Variants in KCNK17 observed in about 807,000 individuals in gnomAD.
KCNK17 encodes potassium channel subfamily K member 17.
Under a neutral mutation model 24.6 loss-of-function variants are expected in KCNK17, and 27 were observed. The ratio of observed to expected loss-of-function variants is 1.10; its 90% CI spans 0.81 to 1.51. KCNK17 has a LOEUF of 1.51. KCNK17 is among the 40% of genes most tolerant of loss of function. KCNK17 has a pLI of 0.00. For missense variants in KCNK17, 450 were observed against 436.6 expected, an observed-to-expected ratio of 1.03 and a Z score of -0.27; for synonymous variants, 181 against 189.8, an observed-to-expected ratio of 0.95 and a Z score of 0.38.
chr6:39,313,528 G>A (rs1178223027), intron 1 of KCNK17, among the ~76,000 whole-genome samples: 1 of 152,200 alleles, frequency 6.6e-6, no homozygotes, highest in African/African-American at 2.4e-5. Context: ...CCTTCCCCCA[G>A]GCTCCTACGG....
intron 4 of KCNK17, among the ~76,000 whole-genome samples, chr6:39,300,095 T>A (rs1213603231): frequency 2.0e-5 from 3 of 152,118 alleles, no homozygotes; most frequent in African/African-American, 7.2e-5. Context: ...TCAGAAACTC[T>A]GGGCATAGGC....
chr6:39,313,437 G>A (rs978984205), intron 1 of KCNK17, among the ~76,000 whole-genome samples: 3 of 152,146 alleles, frequency 2.0e-5, no homozygotes, highest in African/African-American at 7.2e-5. Context: ...GTCTGCGCAC[G>A]TCGAGCCCCC....
intron 1 of KCNK17, among the ~76,000 whole-genome samples, chr6:39,312,658 A>C (rs9462523): frequency 6.6e-6 from 1 of 152,232 alleles, no homozygotes; most frequent in African/African-American, 2.4e-5. Context: ...GAATACGGGT[A>C]AAGTACCAGC....
At chr6:39,308,853 C>T (rs993956575) in intron 2 of KCNK17, among the ~76,000 whole-genome samples, 2 of 152,206 alleles carry the variant, frequency 1.3e-5, no homozygotes, top group Admixed American at 6.5e-5. Context: ...TCTTCCATCT[C>T]CCTCTCCTTC....
chr6:39,314,107 G>T lies in KCNK17; in HGVS notation c.214C>A (p.Pro72Thr). ...LLQNFTCLDR[P>T]ALDSLIRDVV... ...ACCCGGATCAGCGAGTCCAGCGCCG[G>T]GCGGTCCAGACACGTGAAGTTCTGC... Residue 72 changes from proline (P) to threonine (T), a missense_variant, in exon 1 of 5, where the codon CCG (proline) becomes ACG (threonine). Pro to Thr is a conservative substitution (Grantham distance 38). Transcript: ENST00000373231. The T allele has an allele frequency of 6.3e-7, 1 of 1,589,824 alleles. No homozygotes were observed.
At position 39,299,288 on chromosome 6, in the gene KCNK17, A is replaced by T. The variant is rs1306250695; in HGVS notation, c.*139T>A. 7.6e-6 allele frequency: 5 copies of T among 660,872 alleles called. No individual in the cohort carries two copies. The highest frequency in any genetic ancestry group is 1.3e-5 in the Non-Finnish European group (5 of 387,906). The allele number at this position is 660,872 out of a possible 1,614,324, so 40.9% of individuals were successfully genotyped here. ...CCCAGGACATGTCTCTGTATACCCT[A>T]TTGGGCAGAATTAATCATATAGCTG... On this transcript the variant is annotated 3_prime_UTR_variant, in exon 5 of 5. Transcript: ENST00000373231.
At chr6:39,313,319 C>T (rs1165856123) in intron 1 of KCNK17, among the ~76,000 whole-genome samples, 1 of 152,366 alleles carries the variant, frequency 6.6e-6, no homozygotes. Flanking sequence ...TTCAGCCTTT[C>T]TGGGCAGCCG....
intron 1 of KCNK17, among the ~76,000 whole-genome samples, chr6:39,311,813 G>A (rs79273732): frequency 0.023 from 3,567 of 152,230 alleles, 143 homozygotes; most frequent in African/African-American, 0.082. Context: ...TTAGGTAGAT[G>A]GGACAGCAGT....
chr6:39,299,039 A>C lies in KCNK17; in HGVS notation c.*388T>G. The C allele has an allele frequency of 5.0e-6, 1 of 198,320 alleles. No individual in the cohort carries two copies. Among genetic ancestry groups the C allele is most frequent in the Non-Finnish European group, 1.0e-5 (1 of 96,360 alleles). 12.3% of individuals were successfully genotyped at this position (198,320 alleles called of 1,614,324 possible). On this transcript the variant is annotated 3_prime_UTR_variant, in exon 5 of 5. Transcript: ENST00000373231. ...AAGATGTTTATTTCTCTCTCACATA[A>C]AGGAGGTCGGGTGATATTCCGTTTG...
rs766561083 is a variant in KCNK17 at position 39,304,488 on chromosome 6, C to T, written c.513+7G>A. ...CCCATCCCCACCCCGTCCAGCAGCC[C>T]CCTCACCTGCCAGGTGCCCCCCAGC... is the stretch of plus-strand genomic sequence containing the variant. On this transcript the variant is annotated splice_region_variant and intron_variant, in intron 3 of 4. Coordinates refer to ENST00000373231, the MANE Select transcript of KCNK17 (RefSeq NM_031460.4). 1 of 1,610,400 alleles carries T rather than the reference C, an allele frequency of 6.2e-7. No individual in the cohort carries two copies. Among genetic ancestry groups the T allele is most frequent in the East Asian group, 2.2e-5 (1 of 44,768 alleles).
At chr6:39,313,103 G>T (rs1762174155) in intron 1 of KCNK17, among the ~76,000 whole-genome samples, 1 of 152,174 alleles carries the variant, frequency 6.6e-6, no homozygotes, top group African/African-American at 2.4e-5. Flanking sequence ...TCTGGACTCT[G>T]GGCTCTTGGA....
chr6:39,313,442 G>C (rs1762191010), intron 1 of KCNK17, among the ~76,000 whole-genome samples: 1 of 152,176 alleles, frequency 6.6e-6, no homozygotes, highest in Non-Finnish European at 1.5e-5. Context: ...CGCACGTCGA[G>C]CCCCCTCTCT....
At chr6:39,302,717 C>T (rs1761967151) in intron 4 of KCNK17, among the ~76,000 whole-genome samples, 1 of 152,170 alleles carries the variant, frequency 6.6e-6, no homozygotes. Flanking sequence ...CTGGGCTCAG[C>T]TGTCCTGGGA....
Position 39,304,672 on chromosome 6 carries a change from C to T in KCNK17, c.353-17G>A. ...TGCCATAGCCTGAGGTGAGAGGGGG[C>T]ACTCAGGGGACATTTCCAGCCCAGC... On this transcript the variant is annotated splice_polypyrimidine_tract_variant and intron_variant, in intron 2 of 4. Coordinates refer to ENST00000373231, the MANE Select transcript of KCNK17 (RefSeq NM_031460.4). The T allele has an allele frequency of 1.2e-6, 2 of 1,603,084 alleles. No individual in the cohort carries two copies. The highest frequency in any genetic ancestry group is 1.1e-5 in the South Asian group (1 of 90,822).
chr6:39,310,471 T>A (rs1286817947), intron 2 of KCNK17, among the ~76,000 whole-genome samples: 2 of 151,940 alleles, frequency 1.3e-5, no homozygotes, highest in African/African-American at 2.4e-5. Context: ...GATTTCTACT[T>A]CTTCTTCCTT....
Position 39,310,949 on chromosome 6 carries a change from C to A in KCNK17, c.296G>T (p.Gly99Val), listed in dbSNP as rs781632990. The A allele has an allele frequency of 6.2e-7, 1 of 1,610,168 alleles. No individual in the cohort carries two copies. The highest frequency in any genetic ancestry group is 1.3e-5 in the African/African-American group (1 of 74,894). Residue 99 changes from glycine (G) to valine (V), a missense_variant, in exon 2 of 5, where the codon GGG (glycine) becomes GTG (valine). Physicochemically the swap from Gly to Val is moderately radical, Grantham distance 109. Transcript: ENST00000373231. Reference sequence around the variant, plus strand: ...GAAGGAGCCCACGAGCTCCCAGCGCCCCATGCTGGTGGTGTTGCTGAGGAG... The same window carrying A: ...GAAGGAGCCCACGAGCTCCCAGCGCACCATGCTGGTGGTGTTGCTGAGGAG... ...ASLLSNTTSMGRWELVGSFFF... is the reference protein window; with the variant it reads ...ASLLSNTTSMVRWELVGSFFF...
chr6:39,314,071 G>A lies in KCNK17; in HGVS notation c.237+13C>T. 1.3e-6 allele frequency: 2 copies of A among 1,550,372 alleles called. No individual in the cohort carries two copies. The highest frequency in any genetic ancestry group is 8.7e-7 in the Non-Finnish European group (1 of 1,147,554). ...ATCCCGCCGCGCCCAGGCCGACGCCGCTCGCCCCTGACCCGGATCAGCGAG... is the reference window on the plus strand; with the variant it reads ...ATCCCGCCGCGCCCAGGCCGACGCCACTCGCCCCTGACCCGGATCAGCGAG... On this transcript the variant is annotated intron_variant, in intron 1 of 4. Coordinates refer to ENST00000373231, the MANE Select transcript of KCNK17 (RefSeq NM_031460.4).
intron 1 of KCNK17, 37 bp from the exon 2 acceptor site, chr6:39,311,044 G>T: frequency 7.5e-7 from 1 of 1,325,908 alleles, no homozygotes; most frequent in Non-Finnish European, 1.1e-6. Flanking sequence ...AGGCTCTGTG[G>T]GGTGATGGAT....
Position 39,313,883 on chromosome 6 carries a change from T to A in KCNK17, c.237+201A>T, listed in dbSNP as rs568052088. Among the ~76,000 whole-genome samples the A allele has an allele frequency of 3.9e-3, 595 of 152,248 alleles. 2 individuals are homozygous for A. Among genetic ancestry groups the A allele is most frequent in the African/African-American group, 0.013 (527 of 41,550 alleles). ...CAGTCCTCTCGCTAGGGCGAGGGTCTTTTCCTCCGAGGTCCCCCAACCCTC... is the reference window on the plus strand; with the variant it reads ...CAGTCCTCTCGCTAGGGCGAGGGTCATTTCCTCCGAGGTCCCCCAACCCTC... On this transcript the variant is annotated intron_variant, in intron 1 of 4. Coordinates refer to ENST00000373231, the MANE Select transcript of KCNK17 (RefSeq NM_031460.4).
Sources: gnomAD v4.1 joint callset for allele counts (sites outside exome capture counted in the v4.1 genomes callset) on GRCh38, gnomAD v4.1.1 for gene constraint, MANE v1.5 for transcripts, NCBI Gene and HGNC (gene_info 2026-07-23, HGNC 2026-07-21) for gene names.